PRKDC: variants seen among roughly 807,000 people sequenced by gnomAD.
PRKDC encodes DNA-dependent protein kinase catalytic subunit.
A neutral mutation model predicts 486.9 loss-of-function variants in PRKDC; 82 were observed. The observed-to-expected ratio is 0.17, with a 90% CI of 0.14 to 0.20. PRKDC has a LOEUF of 0.20. Among genes scored for constraint, PRKDC ranks in the 10% least tolerant of loss-of-function variants. The probability of loss-of-function intolerance (pLI) is 1.00; values close to 1 mark genes in which losing one functional copy is unlikely to be tolerated. For synonymous variants in PRKDC, 1,895 were observed against 1,837.0 expected (o/e 1.03, Z -0.81); for missense variants, 4,504 against 5,038.2 (o/e 0.89, Z 3.21).
At chr8:47,776,813 C>G in intron 85 of PRKDC, 31 bp downstream of exon 85, 1 of 1,611,842 alleles carries the variant, frequency 6.2e-7, no homozygotes, top group East Asian at 2.2e-5. Flanking sequence ...GTCGGTAGTC[C>G]GTTAGTTTTT....
chr8:47,864,785 A>G (rs372635547), intron 40 of PRKDC, 22 bp from the exon 41 acceptor site: 6 of 1,527,274 alleles, frequency 3.9e-6, no homozygotes, highest in Non-Finnish European at 4.4e-6. Context: ...AGATAAAATT[A>G]TATGAACATC....
chr8:47,854,247 C>T, intron 50 of PRKDC, 33 bp from the exon 51 acceptor site: 2 of 1,606,038 alleles, frequency 1.2e-6, no homozygotes, highest in South Asian at 1.1e-5. Flanking sequence ...AAAATTGAGA[C>T]TGTTGCATAA....
In PRKDC at chr8:47,841,409, T is replaced by G. The variant is rs182813863; in HGVS notation, c.7281-1220A>C. 6.6e-5 allele frequency among the ~76,000 whole-genome samples: 10 copies of G among 152,274 alleles called. No individual in the cohort carries two copies. The East Asian group carries it at 1.5e-3, about 24-fold the overall frequency. Reference sequence around the variant, plus strand: ...GGAGAGGCTGATCTACACGCCTATCTGTCAACTTCCCAGGCACTCCCAACC... The same window carrying G: ...GGAGAGGCTGATCTACACGCCTATCGGTCAACTTCCCAGGCACTCCCAACC... On this transcript the variant is annotated intron_variant, in intron 54 of 85. Coordinates refer to ENST00000314191, the MANE Select transcript of PRKDC (RefSeq NM_006904.7).
Position 47,857,196 on chromosome 8 carries a change from A to C in PRKDC, c.6569T>G (p.Val2190Gly). ...EGIHYMVVEI[V>G]ATILSWTGLA... ...GCCTGTCCATGAAAGAATAGTGGCC[A>C]CTATCTCAACCACCATGTAGTGAAT... The change falls in exon 49 of 86, where the codon GTG becomes GGG. Residue 2190 changes from valine to glycine, a missense_variant. Val to Gly is a moderately radical substitution (Grantham distance 109). Transcript: ENST00000314191. 6 of 1,613,988 alleles carry C rather than the reference A, an allele frequency of 3.7e-6. No homozygotes were observed. The highest frequency in any genetic ancestry group is 5.1e-6 in the Non-Finnish European group (6 of 1,179,880).
At chr8:47,827,950 T>C (rs2087773419) in intron 62 of PRKDC, among the ~76,000 whole-genome samples, 1 of 152,232 alleles carries the variant, frequency 6.6e-6, no homozygotes, top group Non-Finnish European at 1.5e-5. Flanking sequence ...AAACGTAACA[T>C]GTTTGATTTC....
chr8:47,891,581 G>A (rs1016725074), intron 31 of PRKDC, among the ~76,000 whole-genome samples: 5 of 151,942 alleles, frequency 3.3e-5, no homozygotes, highest in Admixed American at 6.6e-5. Context: ...TTAGCTGGGC[G>A]TGGTGGCGGG....
At position 47,927,824 on chromosome 8, in the gene PRKDC, A is replaced by G. The variant is rs749548474; in HGVS notation, c.2206T>C (p.Leu736=). Residue 736 remains leucine, a synonymous_variant, in exon 20 of 86, where the codon TTG becomes CTG. Coordinates refer to ENST00000314191, the MANE Select transcript of PRKDC (RefSeq NM_006904.7). Reference sequence around the variant, plus strand: ...TCGAGTTCAATGATGTTGTGTGGCAAGGACAGAAGAAAGGTCAAACAAGAG... The same window carrying G: ...TCGAGTTCAATGATGTTGTGTGGCAGGGACAGAAGAAAGGTCAAACAAGAG... The part of the protein sequence containing the change: ...LASCLTFLLS[L]PHNIIELDVR... The G allele has an allele frequency of 6.3e-7, 1 of 1,595,610 alleles. No homozygotes were observed. Among genetic ancestry groups the G allele is most frequent in the East Asian group, 2.3e-5 (1 of 44,174 alleles).
At chr8:47,932,774 C>T (rs2090278810) in intron 16 of PRKDC, among the ~76,000 whole-genome samples, 1 of 151,684 alleles carries the variant, frequency 6.6e-6, no homozygotes, top group Admixed American at 6.6e-5. Context: ...ACAAATGAAC[C>T]TAGTAAATAA....
At chr8:47,899,958 C>A (rs1206301394) in intron 28 of PRKDC, among the ~76,000 whole-genome samples, 2 of 152,208 alleles carry the variant, frequency 1.3e-5, no homozygotes, top group Admixed American at 1.3e-4. Flanking sequence ...GTAATGAGAT[C>A]CACTTTCTAC....
intron 1 of PRKDC, among the ~76,000 whole-genome samples, chr8:47,958,704 T>G (rs1363032172): frequency 1.3e-5 from 2 of 151,798 alleles, no homozygotes; most frequent in African/African-American, 4.8e-5. Flanking sequence ...TGACAACAGA[T>G]AGAGTACATA....
chr8:47,835,750 T>C (rs952267723), intron 58 of PRKDC, among the ~76,000 whole-genome samples: 2 of 151,034 alleles, frequency 1.3e-5, no homozygotes, highest in South Asian at 2.1e-4. Flanking sequence ...ACATCTTCCA[T>C]GTCCAGAGTT....
At chr8:47,953,443 T>C (rs546811761) in intron 7 of PRKDC, among the ~76,000 whole-genome samples, 177 bp downstream of exon 7, 69 of 152,366 alleles carry the variant, frequency 4.5e-4, no homozygotes, top group Non-Finnish European at 6.8e-4. Context: ...TGTTGTGCTG[T>C]AGTTGGGAAA....
At chr8:47,797,751 C>G (rs1262860107) in intron 73 of PRKDC, among the ~76,000 whole-genome samples, 2 of 152,202 alleles carry the variant, frequency 1.3e-5, no homozygotes, top group African/African-American at 4.8e-5. Context: ...TGGAAGGGTG[C>G]GGGTTCCTCC....
chr8:47,955,461 CAAAAAAA>C (rs746883720), intron 4 of PRKDC, among the ~76,000 whole-genome samples: 425 of 18,498 alleles, frequency 0.023, 4 homozygotes, highest in African/African-American at 0.076. Flanking sequence ...GACTCCGTCT[CAAAAAAA>C]AAAAAAAAAA....
chr8:47,809,367 A>G (rs1316706857), intron 68 of PRKDC, among the ~76,000 whole-genome samples: 1 of 152,198 alleles, frequency 6.6e-6, no homozygotes, highest in Non-Finnish European at 1.5e-5. Context: ...TTAATCATAA[A>G]AATAAATACA....
In PRKDC at chr8:47,889,117, C is replaced by T; in HGVS notation, c.4177G>A (p.Ala1393Thr). The T allele has an allele frequency of 6.2e-7, 1 of 1,613,992 alleles. No individual in the cohort carries two copies. Residue 1393 changes from alanine (A) to threonine (T), a missense_variant, in exon 33 of 86, where the codon GCT becomes ACT. Ala to Thr is a moderately conservative substitution (Grantham distance 58). Coordinates refer to ENST00000314191, the MANE Select transcript of PRKDC (RefSeq NM_006904.7). The part of the protein sequence containing the change: ...GFNIGDVQVM[A>T]HLPDVCVNLM... ...TTCACACAAACATCAGGAAGATGAG[C>T]CATAACCTGGACGTCTCCGATGTTG...
At chr8:47,915,772 T>C (rs1704345216) in intron 22 of PRKDC, among the ~76,000 whole-genome samples, 1 of 152,242 alleles carries the variant, frequency 6.6e-6, no homozygotes, top group African/African-American at 2.4e-5. Context: ...GTTTACAGTG[T>C]AGCTCACTGG....
At chr8:47,941,649 T>C (rs184955483) in intron 10 of PRKDC, among the ~76,000 whole-genome samples, 1 of 152,292 alleles carries the variant, frequency 6.6e-6, no homozygotes, top group African/African-American at 2.4e-5. Flanking sequence ...CTTCGGTTGA[T>C]TTTTATCTGG....
chr8:47,863,224 A>T (rs2088718003), intron 42 of PRKDC, among the ~76,000 whole-genome samples, 175 bp downstream of exon 42: 1 of 152,236 alleles, frequency 6.6e-6, no homozygotes, highest in South Asian at 2.1e-4. Context: ...ACTGTTATCC[A>T]ATACACCCTA....
Sources: gnomAD v4.1 joint callset for allele counts (sites outside exome capture counted in the v4.1 genomes callset) on GRCh38, gnomAD v4.1.1 for gene constraint, MANE v1.5 for transcripts, NCBI Gene and HGNC (gene_info 2026-07-23, HGNC 2026-07-21) for gene names.